The following PADI3 variants were observed in gnomAD, a reference collection of about 807,000 sequenced individuals.
The protein encoded by PADI3 is protein-arginine deiminase type-3.
PADI3 carries 53 observed loss-of-function variants against 71.5 expected under a neutral mutation model. The observed-to-expected ratio is 0.74, with a 90% CI of 0.59 to 0.93. PADI3 has a LOEUF of 0.93. Ranked by LOEUF, PADI3 falls within the 40% of genes least tolerant of loss-of-function variation. The pLI is 0.00. For missense variants in PADI3, 821 were observed against 868.0 expected, an observed-to-expected ratio of 0.95 and a Z score of 0.68; for synonymous variants, 361 against 347.5, an observed-to-expected ratio of 1.04 and a Z score of -0.43.
chr1:17,282,834 T>A lies in PADI3; in HGVS notation c.1762-12T>A. On this transcript the variant is annotated splice_polypyrimidine_tract_variant and intron_variant, in intron 15 of 15. Coordinates refer to ENST00000375460, the MANE Select transcript of PADI3 (RefSeq NM_016233.2). ...CCCAGTGATGAAGTGCTGCTTCCCC[T>A]TTGGACTGCAGGTGAACATGCTGGT... 6 of 1,597,184 alleles carry A rather than the reference T, an allele frequency of 3.8e-6. No individual in the cohort carries two copies. The highest frequency in any genetic ancestry group is 5.1e-6 in the Non-Finnish European group (6 of 1,170,088).
At chr1:17,270,820 C>A in intron 7 of PADI3, 59 bp from the exon 8 acceptor site, 1 of 1,153,052 alleles carries the variant, frequency 8.7e-7, no homozygotes, top group Non-Finnish European at 1.3e-6. Flanking sequence ...GAATCAGAGT[C>A]CCCCCAGGCC....
Position 17,267,882 on chromosome 1 carries a change from C to A in PADI3, c.572C>A (p.Ala191Glu). ...SVMVLRTQGPAALFDDHKLVL... is the reference protein window; with the variant it reads ...SVMVLRTQGPEALFDDHKLVL... ...ATGGTCCTGCGGACGCAGGGCCCTG[C>A]AGCCCTCTTTGATGACCACAAACTT... Residue 191 changes from alanine (A) to glutamate (E), a missense_variant, in exon 6 of 16, where the codon GCA becomes GAA. Physicochemically the swap from Ala to Glu is moderately radical, Grantham distance 107. Transcript: ENST00000375460. 6.2e-7 allele frequency: 1 copy of A among 1,614,024 alleles called. No individual in the cohort carries two copies. Among genetic ancestry groups the A allele is most frequent in the South Asian group, 1.1e-5 (1 of 91,072 alleles).
At chr1:17,274,503 A>G (rs1569912114) in intron 10 of PADI3, 132 bp from the exon 11 acceptor site, 2 of 749,268 alleles carry the variant, frequency 2.7e-6, no homozygotes, top group East Asian at 2.6e-5. Flanking sequence ...CCCACCGCCA[A>G]TGACTCTGTA....
intron 2 of PADI3, 26 bp downstream of exon 2, chr1:17,259,784 G>A (rs368031811): frequency 1.3e-6 from 2 of 1,567,838 alleles, no homozygotes; most frequent in South Asian, 2.3e-5. Flanking sequence ...GTGGGGTGGG[G>A]AGAGGTTTCG....
chr1:17,267,733 C>T (rs578051207), intron 5 of PADI3, 104 bp from the exon 6 acceptor site: 2 of 1,385,636 alleles, frequency 1.4e-6, no homozygotes, highest in African/African-American at 2.9e-5. Context: ...GCTGGGAGAC[C>T]CAGGTCTTGA....
intron 3 of PADI3, 129 bp from the exon 4 acceptor site, chr1:17,265,530 C>G: frequency 2.5e-6 from 2 of 804,314 alleles, no homozygotes; most frequent in Non-Finnish European, 4.2e-6. Flanking sequence ...TGCAGATGCC[C>G]TCACCTCTTG....
At chr1:17,266,652 G>A (rs1313865433) in intron 4 of PADI3, 67 bp from the exon 5 acceptor site, 1 of 1,378,528 alleles carries the variant, frequency 7.3e-7, no homozygotes, top group Non-Finnish European at 1.0e-6. Flanking sequence ...CCAGGCTCGG[G>A]TTCCTGGGTA....
intron 5 of PADI3, 112 bp from the exon 6 acceptor site, chr1:17,267,725 T>G: frequency 2.3e-6 from 3 of 1,276,730 alleles, no homozygotes; most frequent in Admixed American, 4.3e-5. Flanking sequence ...AAGCTAGGGC[T>G]GGGAGACCCA....
intron 6 of PADI3, among the ~76,000 whole-genome samples, chr1:17,269,198 CA>C (rs2073212664): frequency 1.3e-5 from 2 of 152,166 alleles, no homozygotes; most frequent in Admixed American, 6.5e-5. Flanking sequence ...ATCTGATTGT[CA>C]CTGTTAACGA....
rs775019820 is a variant in PADI3 at position 17,283,113 on chromosome 1, G to A, written c.*34G>A. On this transcript the variant is annotated 3_prime_UTR_variant, in exon 16 of 16. Transcript: ENST00000375460. ...CCACCCACCATCCTGTCCCCCTGGG[G>A]CGGGCATTGGCCCAGGTGGTGGAGA... 7.1e-6 allele frequency: 11 copies of A among 1,540,490 alleles called. No homozygotes were observed. In the South Asian group the frequency reaches 1.2e-4, roughly 17 times the overall value.
intron 3 of PADI3, among the ~76,000 whole-genome samples, chr1:17,263,770 A>G (rs866970761): frequency 6.6e-6 from 1 of 152,332 alleles, no homozygotes; most frequent in Middle Eastern, 3.4e-3. Context: ...AAGAACTCCA[A>G]TCAATAAGAA....
At chr1:17,266,022 A>G (rs1178017020) in intron 4 of PADI3, among the ~76,000 whole-genome samples, 1 of 152,252 alleles carries the variant, frequency 6.6e-6, no homozygotes, top group Admixed American at 6.5e-5. Flanking sequence ...GAAAAGTCAC[A>G]TAGCAAGTAT....
chr1:17,275,075 G>T (rs2073310267), intron 11 of PADI3, among the ~76,000 whole-genome samples: 1 of 152,018 alleles, frequency 6.6e-6, no homozygotes, highest in Non-Finnish European at 1.5e-5. Flanking sequence ...AGAAAGCAAA[G>T]TTATAACTAG....
rs534389055 is a variant in PADI3, at chr1:17,278,733, A to G, written c.1556-1617A>G. On this transcript the variant is annotated intron_variant, in intron 13 of 15. Coordinates refer to ENST00000375460, the MANE Select transcript of PADI3 (RefSeq NM_016233.2). ...GAGGTCCCAGGGCAAAGACCCTTTG[A>G]CACGCAGGATCATAGATTTTCTTGG... 1.1e-4 allele frequency among the ~76,000 whole-genome samples: 17 copies of G among 152,106 alleles called. 1 individual carries two copies. The highest frequency in any genetic ancestry group is 4.1e-4 in the African/African-American group (17 of 41,480).
At position 17,274,787 on chromosome 1, in the gene PADI3, GTGAGAGAGAGACAGGGAA is replaced by G. The variant is rs1043693323; in HGVS notation, c.1307+4_1307+21del. On this transcript the variant is annotated splice_donor_variant and splice_donor_5th_base_variant and intron_variant, in intron 11 of 15. Transcript: ENST00000375460. LOFTEE classifies it high-confidence loss of function. ...TCCTCATTGGGGGCAACCTGCCTGG[GTGAGAGAGAGACAGGGAA>G]TGGAGTTCCTGGGGTGGAGGCTGAG... The G allele has an allele frequency of 6.2e-7, 1 of 1,612,900 alleles. No individual in the cohort carries two copies. The highest frequency in any genetic ancestry group is 1.3e-5 in the African/African-American group (1 of 74,914).
At chr1:17,253,374 G>A (rs1376959378) in intron 1 of PADI3, among the ~76,000 whole-genome samples, 8 of 152,206 alleles carry the variant, frequency 5.3e-5, no homozygotes, top group African/African-American at 1.4e-4. Flanking sequence ...AAGACACCTC[G>A]AAGAGGGGGC....
intron 1 of PADI3, among the ~76,000 whole-genome samples, chr1:17,254,141 G>A (rs1283849848): frequency 6.6e-6 from 1 of 152,208 alleles, no homozygotes; most frequent in African/African-American, 2.4e-5. Flanking sequence ...GGGCCACCCA[G>A]ATTACAGTGG....
intron 13 of PADI3, among the ~76,000 whole-genome samples, chr1:17,278,268 G>T (rs2073359575): frequency 6.6e-6 from 1 of 152,162 alleles, no homozygotes; most frequent in Non-Finnish European, 1.5e-5. Flanking sequence ...GGGTCTATCA[G>T]CCAGGCTGGA....
chr1:17,268,886 C>CTT (rs34487635), intron 6 of PADI3, among the ~76,000 whole-genome samples: 13,902 of 132,496 alleles, frequency 0.1, 794 homozygotes, highest in Non-Finnish European at 0.12. Flanking sequence ...CTAAATCTGA[C>CTT]TTTTTTTTTT....
Sources: gnomAD v4.1 joint callset for allele counts (sites outside exome capture counted in the v4.1 genomes callset) on GRCh38, gnomAD v4.1.1 for gene constraint, MANE v1.5 for transcripts, NCBI Gene and HGNC (gene_info 2026-07-23, HGNC 2026-07-21) for gene names.